Variants in ANKRD13C observed in about 807,000 individuals in gnomAD.
The protein encoded by ANKRD13C is ankyrin repeat domain 13C.
In ANKRD13C, 16 loss-of-function variants were observed where a neutral mutation model predicts 65.5. That is an observed-to-expected ratio of 0.24 (90% CI 0.17 to 0.37). The LOEUF is 0.37. Among genes scored for constraint, ANKRD13C ranks in the 10% least tolerant of loss-of-function variants. The pLI is 1.00. For missense variants in ANKRD13C, 503 were observed against 655.9 expected (o/e 0.77, Z 2.55); for synonymous variants, 235 against 238.7 (o/e 0.98, Z 0.14).
At chr1:70,333,828 T>G (rs1681908874) in intron 2 of ANKRD13C, among the ~76,000 whole-genome samples, 1 of 152,204 alleles carries the variant, frequency 6.6e-6, no homozygotes, top group Admixed American at 6.5e-5. Flanking sequence ...GGAGAATGAC[T>G]GATTCCTCCA....
At chr1:70,311,940 T>C (rs1277235193) in intron 5 of ANKRD13C, among the ~76,000 whole-genome samples, 2 of 152,174 alleles carry the variant, frequency 1.3e-5, no homozygotes, top group Admixed American at 6.5e-5. Context: ...GAAGGCAGTT[T>C]ATCAAAAATA....
intron 11 of ANKRD13C, among the ~76,000 whole-genome samples, chr1:70,274,089 G>T (rs915612553): frequency 7.9e-5 from 12 of 152,206 alleles, no homozygotes; most frequent in Non-Finnish European, 1.8e-4. Flanking sequence ...AACTATTGAT[G>T]TGTTAAAATA....
At position 70,296,124 on chromosome 1, in the gene ANKRD13C, A is replaced by G; in HGVS notation, c.1053+6T>C. 6.2e-7 allele frequency: 1 copy of G among 1,611,592 alleles called. No individual in the cohort carries two copies. The highest frequency in any genetic ancestry group is 8.5e-7 in the Non-Finnish European group (1 of 1,179,380). On this transcript the variant is annotated splice_donor_region_variant and intron_variant, in intron 8 of 12. Coordinates refer to ENST00000370944, the MANE Select transcript of ANKRD13C (RefSeq NM_030816.5). ...TTAAAGTTTAAAAATCTAGATTTGC[A>G]CATACTGTTTTATCTTCCCGAAAAA...
chr1:70,322,026 C>G (rs1681329440), intron 3 of ANKRD13C, among the ~76,000 whole-genome samples: 2 of 152,110 alleles, frequency 1.3e-5, no homozygotes, highest in Non-Finnish European at 1.5e-5. Context: ...TTTCAAAGTA[C>G]AGACATAGCC....
Position 70,259,830 on chromosome 1 carries a change from G to A in ANKRD13C, c.*2887C>T, listed in dbSNP as rs771620518. On this transcript the variant is annotated 3_prime_UTR_variant, in exon 13 of 13. Transcript: ENST00000370944. ...TAATTCAGCAGTTAAACACAGGTTT[G>A]GACTGCACAGGTCCACTTACATGCA... Among the ~76,000 whole-genome samples, 3 of 152,110 alleles carry A rather than the reference G, an allele frequency of 2.0e-5. No individual in the cohort carries two copies. The highest frequency in any genetic ancestry group is 4.4e-5 in the Non-Finnish European group (3 of 68,006).
chr1:70,322,758 C>T (rs569638022), intron 3 of ANKRD13C, among the ~76,000 whole-genome samples: 185 of 152,124 alleles, frequency 1.2e-3, no homozygotes, highest in Middle Eastern at 6.8e-3. Flanking sequence ...TTTGGGAGGC[C>T]GAGGCTGGTG....
chr1:70,326,652 T>A (rs1258350892), intron 2 of ANKRD13C, among the ~76,000 whole-genome samples: 6 of 116,340 alleles, frequency 5.2e-5, no homozygotes, highest in Middle Eastern at 4.2e-3. Context: ...TATATGTACA[T>A]GAATGTTTAA....
In ANKRD13C at chr1:70,306,301, A is replaced by G. The variant is rs780281045; in HGVS notation, c.710-11T>C. On this transcript the variant is annotated splice_polypyrimidine_tract_variant and intron_variant, in intron 5 of 12. Transcript: ENST00000370944. ...GGGAAAGTAAAGGCACTGTATTTTT[A>G]AAAACAAAAGGTAAAAAATAACTAC... The G allele has an allele frequency of 2.1e-5, 32 of 1,522,122 alleles. No homozygotes were observed. The highest frequency in any genetic ancestry group is 2.8e-5 in the Non-Finnish European group (32 of 1,130,118). The allele number at this position is 1,522,122 out of a possible 1,614,324, so 94.3% of individuals were successfully genotyped here.
At chr1:70,320,345 T>C (rs1681251976) in intron 3 of ANKRD13C, among the ~76,000 whole-genome samples, 1 of 152,006 alleles carries the variant, frequency 6.6e-6, no homozygotes, top group African/African-American at 2.4e-5. Context: ...TTTTTTTTTC[T>C]TGAGACAGGG....
rs376746169 is a variant in ANKRD13C at position 70,341,066 on chromosome 1, C to T, written c.431-4967G>A. Reference sequence around the variant, plus strand: ...CGGAGGTTGCAGTCAGCCAAGATCACGCCACTTCACTCCAGCCTGGGCGAC... The same window carrying T: ...CGGAGGTTGCAGTCAGCCAAGATCATGCCACTTCACTCCAGCCTGGGCGAC... On this transcript the variant is annotated intron_variant, in intron 1 of 12. Transcript: ENST00000370944. Among the ~76,000 whole-genome samples the T allele has an allele frequency of 1.1e-4, 16 of 152,246 alleles. 1 individual carries two copies. In the South Asian group the frequency reaches 1.9e-3, roughly 18 times the overall value.
At chr1:70,328,086 AT>A (rs1277892911) in intron 2 of ANKRD13C, among the ~76,000 whole-genome samples, 1 of 152,080 alleles carries the variant, frequency 6.6e-6, no homozygotes, top group African/African-American at 2.4e-5. Flanking sequence ...CAACAAAAAA[AT>A]TTATATATAT....
chr1:70,296,094 A>G (rs1407628225), intron 8 of ANKRD13C, 36 bp downstream of exon 8: 5 of 1,602,630 alleles, frequency 3.1e-6, no homozygotes, highest in Non-Finnish European at 4.3e-6. Flanking sequence ...AATACCGAAC[A>G]ATGCTTAAAG....
In ANKRD13C at chr1:70,296,088, C is replaced by A. The variant is rs376778443; in HGVS notation, c.1053+42G>T. 1.3e-5 allele frequency: 20 copies of A among 1,597,204 alleles called. No homozygotes were observed. The African/African-American group carries it at 2.7e-4, about 22-fold the overall frequency. On this transcript the variant is annotated intron_variant, in intron 8 of 12. Transcript: ENST00000370944. ...CACGTTATTTTGGAAATATTAAATA[C>A]CGAACAATGCTTAAAGTTTAAAAAT...
At chr1:70,351,397 ATTTT>A (rs1217342807) in intron 1 of ANKRD13C, among the ~76,000 whole-genome samples, 1 of 151,994 alleles carries the variant, frequency 6.6e-6, no homozygotes, top group African/African-American at 2.4e-5. Context: ...TTATTTATTT[ATTTT>A]ATTTTATTTA....
chr1:70,341,951 T>C (rs1432090868), intron 1 of ANKRD13C, among the ~76,000 whole-genome samples: 1 of 151,806 alleles, frequency 6.6e-6, no homozygotes, highest in East Asian at 1.9e-4. Context: ...TCAGTCTCAA[T>C]GTGGTGGCAG....
rs899331230 is a variant in ANKRD13C at position 70,277,050 on chromosome 1, A to T, written c.1216-206T>A. On this transcript the variant is annotated intron_variant, in intron 9 of 12. Transcript: ENST00000370944. ...ATATTTATTATCAATTTTTTTTTAA[A>T]TCCCAAAAAGACAAATATCAAAATA... Among the ~76,000 whole-genome samples the T allele has an allele frequency of 8.6e-5, 13 of 152,034 alleles. No individual in the cohort carries two copies. The East Asian group carries it at 2.1e-3, about 25-fold the overall frequency.
At chr1:70,292,182 A>G in intron 9 of ANKRD13C, 1 of 389,774 alleles carries the variant, frequency 2.6e-6, no homozygotes, top group Non-Finnish European at 4.5e-6. Flanking sequence ...ACTCAAAGAT[A>G]AAGTACAGAT....
At chr1:70,297,634 G>A (rs1184370742) in intron 7 of ANKRD13C, among the ~76,000 whole-genome samples, 2 of 148,582 alleles carry the variant, frequency 1.3e-5, no homozygotes, top group Admixed American at 6.7e-5. Context: ...TACCATTGGC[G>A]ACCGGGCTAG....
chr1:70,264,206 T>A (rs572851831), intron 12 of ANKRD13C, among the ~76,000 whole-genome samples: 50 of 152,270 alleles, frequency 3.3e-4, no homozygotes, highest in Admixed American at 1.5e-3. Context: ...CTGGGCGTGG[T>A]GGCTCACGCC....
Sources: gnomAD v4.1 joint callset for allele counts (sites outside exome capture counted in the v4.1 genomes callset) on GRCh38, gnomAD v4.1.1 for gene constraint, MANE v1.5 for transcripts, NCBI Gene and HGNC (gene_info 2026-07-23, HGNC 2026-07-21) for gene names.